Variants in LRRIQ1 observed in about 807,000 individuals in gnomAD.
LRRIQ1 encodes the protein leucine-rich repeat- and IQ domain-containing protein 1.
In LRRIQ1, 210 loss-of-function variants were observed where a neutral mutation model predicts 211.9. The ratio of observed to expected loss-of-function variants is 0.99; its 90% confidence interval spans 0.89 to 1.11. The LOEUF is 1.11. Ranked by LOEUF, LRRIQ1 falls within the 50% of genes most tolerant of loss-of-function variation. LRRIQ1 has a pLI of 0.00. For missense variants in LRRIQ1, 2,136 were observed against 1,939.5 expected, an observed-to-expected ratio of 1.10 and a Z score of -1.90; for synonymous variants, 699 against 650.1, an observed-to-expected ratio of 1.08 and a Z score of -1.14.
At chr12:85,148,564 G>A (rs924285561) in intron 19 of LRRIQ1, among the ~76,000 whole-genome samples, 8 of 151,884 alleles carry the variant, frequency 5.3e-5, no homozygotes, top group African/African-American at 1.9e-4. Context: ...TGGGCATTTG[G>A]ATTGGTTCCA....
At chr12:85,121,058 C>T (rs2136420973) in intron 15 of LRRIQ1, among the ~76,000 whole-genome samples, 1 of 152,206 alleles carries the variant, frequency 6.6e-6, no homozygotes, top group East Asian at 1.9e-4. Flanking sequence ...ACCTCCACCT[C>T]CCCGGTTCAA....
chr12:85,247,667 G>A (rs1418750162), downstream of LRRIQ1, among the ~76,000 whole-genome samples: 2 of 151,450 alleles, frequency 1.3e-5, no homozygotes, highest in Non-Finnish European at 3.0e-5. Flanking sequence ...ATATTGCCTT[G>A]GGTATTATAG....
At chr12:85,201,894 T>G (rs921041106) in intron 24 of LRRIQ1, among the ~76,000 whole-genome samples, 1 of 152,092 alleles carries the variant, frequency 6.6e-6, no homozygotes, top group Non-Finnish European at 1.5e-5. Context: ...TATAATAATT[T>G]CAGGTTTTTC....
chr12:85,062,255 T>C (rs902570907), intron 8 of LRRIQ1, among the ~76,000 whole-genome samples: 2 of 151,846 alleles, frequency 1.3e-5, no homozygotes, highest in Non-Finnish European at 2.9e-5. Flanking sequence ...TATAAAGGTA[T>C]ATTGCATGAT....
chr12:85,041,483 T>C (rs1376835149), intron 3 of LRRIQ1, among the ~76,000 whole-genome samples: 1 of 151,572 alleles, frequency 6.6e-6, no homozygotes, highest in Non-Finnish European at 1.5e-5. Context: ...GACAAGGTGA[T>C]ATTTGAGCAA....
intron 11 of LRRIQ1, among the ~76,000 whole-genome samples, chr12:85,089,888 A>G (rs1234422124): frequency 6.6e-6 from 1 of 152,208 alleles, no homozygotes; most frequent in Non-Finnish European, 1.5e-5. Context: ...TGCATGACTA[A>G]AAAGGAGGCA....
chr12:85,224,870 A>G (rs914922520), intron 24 of LRRIQ1, among the ~76,000 whole-genome samples: 2 of 152,152 alleles, frequency 1.3e-5, no homozygotes, highest in African/African-American at 4.8e-5. Flanking sequence ...TGTATCTCAG[A>G]ACTTAAGGTA....
intron 11 of LRRIQ1, among the ~76,000 whole-genome samples, chr12:85,074,839 A>C (rs1204862886): frequency 6.6e-6 from 1 of 152,100 alleles, no homozygotes; most frequent in Non-Finnish European, 1.5e-5. Context: ...CCTTTGAGTC[A>C]GTATTTTTCA....
intron 1 of LRRIQ1, among the ~76,000 whole-genome samples, chr12:85,260,729 A>T (rs994172694): frequency 6.6e-6 from 1 of 152,152 alleles, no homozygotes; most frequent in Non-Finnish European, 1.5e-5. Flanking sequence ...CTGAGGCAAG[A>T]TGAGGGTTTA....
chr12:85,102,949 AAAAAAAAAAAATATATATATATATAT>A (rs1886471345), intron 13 of LRRIQ1, among the ~76,000 whole-genome samples: 1 of 106,248 alleles, frequency 9.4e-6, no homozygotes, highest in South Asian at 3.6e-4. Flanking sequence ...TGTGGCAAAA[AAAAAAAAAAAATATATATATATATAT>A]ATATATATAT....
intron 15 of LRRIQ1, among the ~76,000 whole-genome samples, chr12:85,117,450 C>A (rs910084975): frequency 1.3e-5 from 2 of 152,120 alleles, no homozygotes; most frequent in Non-Finnish European, 2.9e-5. Context: ...CAAAAAGATA[C>A]AACTTAAAAA....
chr12:85,182,553 G>T (rs948778243), intron 24 of LRRIQ1, among the ~76,000 whole-genome samples: 3 of 152,038 alleles, frequency 2.0e-5, no homozygotes, highest in Non-Finnish European at 4.4e-5. Context: ...GAGATGTGAT[G>T]AAATGCTTTA....
At chr12:85,271,037 C>T in the LRRIQ1 span, among the ~76,000 whole-genome samples, 4 of 152,136 alleles carry the variant, frequency 2.6e-5, no homozygotes, top group Non-Finnish European at 4.4e-5. Flanking sequence ...GGAAGACACT[C>T]GTGTTCTAAG....
rs1408170779 is a variant in LRRIQ1 at position 85,055,688 on chromosome 12, G to C, written c.895G>C (p.Ala299Pro). 5 of 1,608,478 alleles carry C rather than the reference G, an allele frequency of 3.1e-6. No individual in the cohort carries two copies. Among genetic ancestry groups the C allele is most frequent in the Non-Finnish European group, 3.4e-6 (4 of 1,178,284 alleles). Residue 299 changes from alanine (A) to proline (P), a missense_variant, in exon 8 of 27, where the codon GCC (alanine) becomes CCC (proline). Ala to Pro is a conservative substitution (Grantham distance 27). Coordinates refer to ENST00000393217, the MANE Select transcript of LRRIQ1 (RefSeq NM_001079910.2). ...KIQAKYKAFVAYQKYGPIIKE... is the reference protein window; with the variant it reads ...KIQAKYKAFVPYQKYGPIIKE... ...TCAAGCTAAATATAAAGCATTTGTT[G>C]CCTATCAAAAATATGGCCCAATTAT...
intron 24 of LRRIQ1, among the ~76,000 whole-genome samples, chr12:85,211,941 C>G (rs1893856535): frequency 6.6e-6 from 1 of 151,960 alleles, no homozygotes; most frequent in African/African-American, 2.4e-5. Context: ...AAAAGGTGCT[C>G]TAAGTGATCA....
intron 24 of LRRIQ1, among the ~76,000 whole-genome samples, chr12:85,217,502 ATATATATGTGTGTGTG>A (rs1177150724): frequency 3.6e-4 from 28 of 78,050 alleles, no homozygotes; most frequent in Admixed American, 1.9e-3. Flanking sequence ...GTATATATAT[ATATATATGTGTGTGTG>A]TGTGTGTGTG....
At chr12:85,240,774 G>A (rs1204504976) in intron 26 of LRRIQ1, among the ~76,000 whole-genome samples, 2 of 151,972 alleles carry the variant, frequency 1.3e-5, no homozygotes, top group African/African-American at 2.4e-5. Flanking sequence ...ATTACATGCT[G>A]TATTATTTCA....
At chr12:85,138,803 T>A (rs1173507250) in intron 19 of LRRIQ1, among the ~76,000 whole-genome samples, 1 of 151,612 alleles carries the variant, frequency 6.6e-6, no homozygotes, top group Non-Finnish European at 1.5e-5. Context: ...TACAAATTTC[T>A]CTTTATTTTC....
At chr12:85,231,787 G>A (rs1174184938) in intron 25 of LRRIQ1, among the ~76,000 whole-genome samples, 1 of 152,028 alleles carries the variant, frequency 6.6e-6, no homozygotes, top group South Asian at 2.1e-4. Context: ...TAGCACCAAG[G>A]CAATCATGAG....
Sources: gnomAD v4.1 joint callset for allele counts (sites outside exome capture counted in the v4.1 genomes callset) on GRCh38, gnomAD v4.1.1 for gene constraint, MANE v1.5 for transcripts, NCBI Gene and HGNC (gene_info 2026-07-23, HGNC 2026-07-21) for gene names.